Variants in PRKDC observed in about 807,000 individuals in gnomAD.
PRKDC encodes the protein protein kinase, DNA-activated, catalytic subunit.
PRKDC carries 82 observed loss-of-function variants against 486.9 expected under a neutral mutation model. The observed-to-expected ratio is 0.17, with a 90% confidence interval of 0.14 to 0.20. PRKDC has a LOEUF of 0.20. Among genes scored for constraint, PRKDC ranks in the 10% least tolerant of loss-of-function variants. The pLI, the probability that PRKDC is intolerant of heterozygous loss-of-function variation, is 1.00. For synonymous variants in PRKDC, 1,895 were observed against 1,837.0 expected (o/e 1.03, Z -0.81); for missense variants, 4,504 against 5,038.2 (o/e 0.89, Z 3.21).
Position 47,935,891 on chromosome 8 carries a change from C to A in PRKDC, c.1288G>T (p.Val430Leu), listed in dbSNP as rs565514103. The A allele has an allele frequency of 7.4e-6, 12 of 1,611,794 alleles. No homozygotes were observed. In the South Asian group the frequency reaches 9.9e-5, roughly 13 times the overall value. Residue 430 changes from valine to leucine, a missense_variant, in exon 13 of 86, where the codon GTG becomes TTG. Coordinates refer to ENST00000314191, the MANE Select transcript of PRKDC (RefSeq NM_006904.7). ...VLLYLDTVPE[V>L]YTPVLEHLVV... is the part of the protein sequence containing the mutation. Reference sequence around the variant, plus strand: ...AGGTGCTCCAGAACTGGAGTATACACCTCAGGAACCTACCGGAAATAATCA... The same window carrying A: ...AGGTGCTCCAGAACTGGAGTATACAACTCAGGAACCTACCGGAAATAATCA...
chr8:47,893,250 C>A lies in PRKDC; in HGVS notation c.3736G>T (p.Gly1246Trp). 1 of 1,612,374 alleles carries A rather than the reference C, an allele frequency of 6.2e-7. No homozygotes were observed. The highest frequency in any genetic ancestry group is 8.5e-7 in the Non-Finnish European group (1 of 1,179,126). ...AGCGTGGCCTGCAGGCTGAATGGCC[C>A]CCGAAGGTACAAGAGGGTGGGCTGG... is the stretch of plus-strand genomic sequence containing the variant. The part of the protein sequence containing the change: ...LAQPTLLYLR[G>W]PFSLQATLCW... The change falls in exon 31 of 86, where the codon GGG (glycine) becomes TGG (tryptophan). Residue 1246 changes from glycine (G) to tryptophan (W), a missense_variant. By Grantham distance (184) the Gly-to-Trp change is radical. This residue lies in a region of PRKDC where 1,969 missense variants were observed against 2,068.9 expected (regional missense o/e 0.95). Transcript: ENST00000314191.
intron 68 of PRKDC, among the ~76,000 whole-genome samples, chr8:47,813,092 T>A (rs1014715755): frequency 1.9e-4 from 28 of 143,838 alleles, no homozygotes; most frequent in Admixed American, 5.6e-4. Flanking sequence ...AATAGAATTT[T>A]ATATTTATTT....
chr8:47,927,226 A>T lies in PRKDC; in HGVS notation c.2387T>A (p.Leu796Gln). 6.2e-7 allele frequency: 1 copy of T among 1,613,818 alleles called. No homozygotes were observed. The highest frequency in any genetic ancestry group is 2.2e-5 in the East Asian group (1 of 44,872). The change falls in exon 21 of 86, where the codon CTG (leucine) becomes CAG (glutamine). Residue 796 changes from leucine (L) to glutamine (Q), a missense_variant. By Grantham distance (113) the Leu-to-Gln change is moderately radical. This residue lies in a region of PRKDC where 1,969 missense variants were observed against 2,068.9 expected (regional missense o/e 0.95). Transcript: ENST00000314191. ...QPYYKDILPC[L>Q]DGYLKTSALS... ...GGCTGAAGTCTTCAGGTATCCATCCAGGCAGGGGAGAATGTCTTTGTAATA... is the reference window on the plus strand; with the variant it reads ...GGCTGAAGTCTTCAGGTATCCATCCTGGCAGGGGAGAATGTCTTTGTAATA...
rs374717320 is a variant in PRKDC, at chr8:47,886,226, C to T, written c.4573-79G>A. 4,156 of 1,220,416 alleles carry T rather than the reference C, an allele frequency of 3.4e-3. 28 individuals carry two copies. The highest frequency in any genetic ancestry group is 0.024 in the South Asian group (1,234 of 50,642). The allele number at this position is 1,220,416 out of a possible 1,614,324, so 75.6% of individuals were successfully genotyped here. Reference sequence around the variant, plus strand: ...AGAAAGACCCTTGGGCAACTGATAACTTTGAAATTGGAAAATGACACAGGT... The same window carrying T: ...AGAAAGACCCTTGGGCAACTGATAATTTTGAAATTGGAAAATGACACAGGT... On this transcript the variant is annotated intron_variant, in intron 35 of 85. Transcript: ENST00000314191.
intron 38 of PRKDC, 29 bp from the exon 39 acceptor site, chr8:47,879,687 G>A (rs1340988631): frequency 6.7e-7 from 1 of 1,496,930 alleles, no homozygotes; most frequent in Non-Finnish European, 8.9e-7. Flanking sequence ...ATAAGAAACT[G>A]CACGAATTAT....
chr8:47,859,259 C>T (rs2088618535), intron 46 of PRKDC, among the ~76,000 whole-genome samples: 1 of 152,140 alleles, frequency 6.6e-6, no homozygotes, highest in Non-Finnish European at 1.5e-5. Context: ...GTTACACTGA[C>T]CCCTGACCCC....
intron 40 of PRKDC, among the ~76,000 whole-genome samples, chr8:47,866,203 C>T (rs1471408505): frequency 6.6e-6 from 1 of 151,868 alleles, no homozygotes; most frequent in Non-Finnish European, 1.5e-5. Flanking sequence ...GTTCTTTGCC[C>T]CTTCTACCAT....
intron 21 of PRKDC, among the ~76,000 whole-genome samples, chr8:47,919,545 C>T (rs547037372): frequency 1.1e-4 from 17 of 152,290 alleles, no homozygotes; most frequent in Admixed American, 2.0e-4. Flanking sequence ...AGCTGCGCCG[C>T]GGGAGGGCAC....
At chr8:47,916,110 T>C (rs1468803834) in intron 22 of PRKDC, among the ~76,000 whole-genome samples, 1 of 152,156 alleles carries the variant, frequency 6.6e-6, no homozygotes, top group Non-Finnish European at 1.5e-5. Context: ...TTTCATTATA[T>C]ATGCAAAAAA....
At chr8:47,955,741 C>G (rs1197674711) in intron 4 of PRKDC, 133 bp downstream of exon 4, 1 of 651,658 alleles carries the variant, frequency 1.5e-6, no homozygotes. Context: ...GAATGTGCAT[C>G]TTACCCACAC....
intron 84 of PRKDC, among the ~76,000 whole-genome samples, chr8:47,777,294 T>C (rs1428098692): frequency 2.0e-5 from 3 of 152,016 alleles, no homozygotes; most frequent in South Asian, 2.1e-4. Context: ...CTGCAACCTC[T>C]GCCTCCTGGT....
At chr8:47,890,677 A>G (rs2089438800) in intron 31 of PRKDC, among the ~76,000 whole-genome samples, 197 bp from the exon 32 acceptor site, 1 of 152,226 alleles carries the variant, frequency 6.6e-6, no homozygotes, top group Admixed American at 6.5e-5. Context: ...ACATTGATGG[A>G]AAGTCAGGTC....
At chr8:47,903,269 G>A (rs1437255502) in intron 26 of PRKDC, among the ~76,000 whole-genome samples, 2 of 152,304 alleles carry the variant, frequency 1.3e-5, no homozygotes, top group East Asian at 3.9e-4. Context: ...GGCATGAAGA[G>A]CAGACCCCAT....
chr8:47,899,583 C>T (rs2089643005), intron 28 of PRKDC, among the ~76,000 whole-genome samples: 1 of 152,176 alleles, frequency 6.6e-6, no homozygotes, highest in African/African-American at 2.4e-5. Context: ...GCGGAGGTTG[C>T]AGTGAGCTGA....
chr8:47,880,401 T>C (rs1457543247), intron 38 of PRKDC, among the ~76,000 whole-genome samples: 1 of 152,194 alleles, frequency 6.6e-6, no homozygotes, highest in East Asian at 1.9e-4. Flanking sequence ...TTGACTCCTG[T>C]TCTCCCTCGC....
At chr8:47,831,016 T>C (rs2087855940) in intron 60 of PRKDC, among the ~76,000 whole-genome samples, 1 of 152,210 alleles carries the variant, frequency 6.6e-6, no homozygotes. Context: ...AAAAACCGGC[T>C]GGAGAGCTGC....
chr8:47,871,621 G>A (rs953874406), intron 40 of PRKDC, among the ~76,000 whole-genome samples: 1 of 152,010 alleles, frequency 6.6e-6, no homozygotes, highest in Non-Finnish European at 1.5e-5. Flanking sequence ...TTTTTAAGAT[G>A]GAGTTTCGCT....
At position 47,807,319 on chromosome 8, in the gene PRKDC, A is replaced by C; in HGVS notation, c.9565T>G (p.Phe3189Val). 6.4e-7 allele frequency: 1 copy of C among 1,563,798 alleles called. No homozygotes were observed. The highest frequency in any genetic ancestry group is 8.7e-7 in the Non-Finnish European group (1 of 1,153,078). ...AGCTTCTCCTCTATTTTGCTGAGAA[A>C]GAAACATCTACACAAAGAAAAATGA... is the stretch of plus-strand genomic sequence containing the variant. ...WDDIITNRCF[F>V]LSKIEEKLTP... The change falls in exon 69 of 86, where the codon TTT becomes GTT. Residue 3189 changes from phenylalanine to valine, a missense_variant. Transcript: ENST00000314191.
chr8:47,823,882 A>G lies in PRKDC; in HGVS notation c.8898T>C (p.Ser2966=). The G allele has an allele frequency of 2.5e-6, 4 of 1,613,860 alleles. No individual in the cohort carries two copies. Among genetic ancestry groups the G allele is most frequent in the Non-Finnish European group, 3.4e-6 (4 of 1,179,842 alleles). ...ALLAEARSDY[S]EAAKQYDEAL... ...CCTCATCATACTGCTTAGCAGCTTC[A>G]GAATAATCACTTCTGGCTTCTGCTA... The change falls in exon 64 of 86, where the codon TCT becomes TCC. Residue 2966 remains serine (S), a synonymous_variant. Transcript: ENST00000314191.
Sources: allele counts gnomAD v4.1 joint callset (sites outside exome capture counted in the v4.1 genomes callset), GRCh38; gene constraint gnomAD v4.1.1; regional missense constraint gnomAD v4.1.1; transcripts MANE v1.5; gene names NCBI Gene and HGNC (gene_info 2026-07-23, HGNC 2026-07-21).